Variants in SLC14A2 observed in about 807,000 individuals in gnomAD.
The protein encoded by SLC14A2 is solute carrier family 14 member 2.
Under a neutral mutation model 104.6 loss-of-function variants are expected in SLC14A2, and 91 were observed. The ratio of observed to expected loss-of-function variants is 0.87; its 90% CI spans 0.73 to 1.04. The LOEUF (loss-of-function observed/expected upper bound fraction) is 1.04, where lower values mean the gene tolerates loss of function less well. Among genes scored for constraint, SLC14A2 ranks in the 50% least tolerant of loss-of-function variants. SLC14A2 has a pLI of 0.00. For synonymous variants in SLC14A2, 476 were observed against 466.4 expected, an observed-to-expected ratio of 1.02 and a Z score of -0.27; for missense variants, 1,189 against 1,156.0, an observed-to-expected ratio of 1.03 and a Z score of -0.41.
At chr18:45,229,734 A>G (rs563408922) in intron 1 of SLC14A2, among the ~76,000 whole-genome samples, 18 of 152,196 alleles carry the variant, frequency 1.2e-4, no homozygotes, top group Non-Finnish European at 2.4e-4. Flanking sequence ...CTTGAGCCAC[A>G]TAGTGGTCTC....
chr18:45,296,720 A>C (rs2084920843), intron 1 of SLC14A2, among the ~76,000 whole-genome samples: 2 of 152,176 alleles, frequency 1.3e-5, no homozygotes, highest in Admixed American at 1.3e-4. Flanking sequence ...TTTTCAGGGA[A>C]AGTGATGGAG....
intron 1 of SLC14A2, among the ~76,000 whole-genome samples, chr18:45,453,520 C>G (rs1310555260): frequency 6.6e-6 from 1 of 152,052 alleles, no homozygotes; most frequent in African/African-American, 2.4e-5. Flanking sequence ...CAGATTGGAG[C>G]CCATAGCAAA....
intron 1 of SLC14A2, among the ~76,000 whole-genome samples, chr18:45,388,306 C>G (rs1318787663): frequency 2.6e-5 from 4 of 152,054 alleles, no homozygotes; most frequent in Non-Finnish European, 5.9e-5. Flanking sequence ...TCGTGATCCA[C>G]CTGCCTTGGC....
intron 1 of SLC14A2, among the ~76,000 whole-genome samples, chr18:45,381,743 G>A (rs959253584): frequency 5.9e-5 from 9 of 152,132 alleles, no homozygotes; most frequent in Non-Finnish European, 1.3e-4. Flanking sequence ...GGGGGGCAGG[G>A]GAACAGGGTG....
intron 1 of SLC14A2, among the ~76,000 whole-genome samples, chr18:45,421,720 C>T (rs1310854495): frequency 6.6e-6 from 1 of 151,842 alleles, no homozygotes; most frequent in African/African-American, 2.4e-5. Flanking sequence ...ACCCACAATG[C>T]TCTCCTCACC....
chr18:45,607,795 G>C (rs148441478), intron 2 of SLC14A2, among the ~76,000 whole-genome samples: 1 of 152,334 alleles, frequency 6.6e-6, no homozygotes, highest in Non-Finnish European at 1.5e-5. Flanking sequence ...CTGAAGGCTT[G>C]ACTGGGGCTG....
At chr18:45,426,510 C>G (rs1419356327) in intron 1 of SLC14A2, among the ~76,000 whole-genome samples, 2 of 150,542 alleles carry the variant, frequency 1.3e-5, no homozygotes, top group African/African-American at 4.9e-5. Context: ...ATGTTTTATC[C>G]CTGATAACAC....
At chr18:45,535,817 C>T (rs1331297617) in intron 2 of SLC14A2, among the ~76,000 whole-genome samples, 3 of 152,172 alleles carry the variant, frequency 2.0e-5, no homozygotes, top group South Asian at 2.1e-4. Flanking sequence ...ACTTACTAAA[C>T]AGTCTTTATC....
At chr18:45,621,879 C>G (rs1195489657) in intron 1 of SLC14A2, among the ~76,000 whole-genome samples, 1 of 152,010 alleles carries the variant, frequency 6.6e-6, no homozygotes, top group Non-Finnish European at 1.5e-5. Context: ...TAGGGGTTGA[C>G]CAGGAAGAGT....
chr18:45,323,370 T>C (rs2085203713), intron 1 of SLC14A2, among the ~76,000 whole-genome samples: 2 of 152,230 alleles, frequency 1.3e-5, no homozygotes, highest in Non-Finnish European at 2.9e-5. Flanking sequence ...TAAACATCAT[T>C]CTTTAGAGTC....
At chr18:45,369,193 G>A (rs556532773) in intron 1 of SLC14A2, among the ~76,000 whole-genome samples, 34 of 152,226 alleles carry the variant, frequency 2.2e-4, no homozygotes, top group African/African-American at 7.5e-4. Context: ...AGGAAATTCC[G>A]CTTGATTCCC....
At chr18:45,584,612 G>A (rs2044542071) in intron 2 of SLC14A2, among the ~76,000 whole-genome samples, 1 of 152,178 alleles carries the variant, frequency 6.6e-6, no homozygotes, top group African/African-American at 2.4e-5. Flanking sequence ...AAGGAGTTGA[G>A]CTGCCCCTTA....
At chr18:45,346,138 G>A (rs2085445627) in intron 1 of SLC14A2, among the ~76,000 whole-genome samples, 1 of 152,064 alleles carries the variant, frequency 6.6e-6, no homozygotes, top group Non-Finnish European at 1.5e-5. Flanking sequence ...CCAATGTTTT[G>A]TCTCCTTTTC....
At chr18:45,470,722 CCT>C (rs1457146313) in intron 1 of SLC14A2, among the ~76,000 whole-genome samples, 1 of 152,060 alleles carries the variant, frequency 6.6e-6, no homozygotes, top group African/African-American at 2.4e-5. Flanking sequence ...TCTTCTGTAG[CCT>C]CTCATTTTTC....
intron 1 of SLC14A2, among the ~76,000 whole-genome samples, chr18:45,285,661 GCCCCCC>G (rs10536916): frequency 0.24 from 29,706 of 125,118 alleles, 5,156 homozygotes; most frequent in African/African-American, 0.49. Context: ...CAGGTGATCT[GCCCCCC>G]CCCCCCCTCG....
At chr18:45,169,471 C>T in the SLC14A2 span, among the ~76,000 whole-genome samples, 5 of 152,188 alleles carry the variant, frequency 3.3e-5, no homozygotes, top group South Asian at 4.1e-4. Flanking sequence ...CAACTCATTC[C>T]TCTTCTAAGG....
intron 2 of SLC14A2, among the ~76,000 whole-genome samples, chr18:45,580,770 C>T (rs920863703): frequency 2.6e-5 from 4 of 152,096 alleles, no homozygotes; most frequent in African/African-American, 9.7e-5. Flanking sequence ...AGGGGCAAAG[C>T]TGAGATTCAG....
chr18:45,277,541 T>G (rs2084715034), intron 1 of SLC14A2, among the ~76,000 whole-genome samples: 1 of 152,170 alleles, frequency 6.6e-6, no homozygotes, highest in Non-Finnish European at 1.5e-5. Context: ...CCTGAGTAGC[T>G]GGTACTATAG....
the SLC14A2 span, among the ~76,000 whole-genome samples, chr18:45,193,568 A>C: frequency 2.0e-5 from 3 of 152,284 alleles, no homozygotes; most frequent in South Asian, 6.2e-4. Context: ...GTTCATTGAT[A>C]TATTTGTCTA....
Sources: gnomAD v4.1 joint callset for allele counts (sites outside exome capture counted in the v4.1 genomes callset) on GRCh38, gnomAD v4.1.1 for gene constraint, MANE v1.5 for transcripts, NCBI Gene and HGNC (gene_info 2026-07-23, HGNC 2026-07-21) for gene names.